CBR4: variants seen among roughly 807,000 people sequenced by gnomAD.
The protein encoded by CBR4 is 3-oxoacyl-[acyl-carrier-protein] reductase.
A neutral mutation model predicts 21.0 loss-of-function variants in CBR4; 22 were observed. That is an observed-to-expected ratio of 1.05 (90% CI 0.75 to 1.50). The LOEUF (loss-of-function observed/expected upper bound fraction) is 1.50. Among genes scored for constraint, CBR4 ranks in the 40% most tolerant of loss-of-function variants. The pLI is 0.00. For missense variants in CBR4, 302 were observed against 286.3 expected, an observed-to-expected ratio of 1.05 and a Z score of -0.40; for synonymous variants, 100 against 104.4, an observed-to-expected ratio of 0.96 and a Z score of 0.26.
At position 168,935,726 on chromosome 4, in the gene CBR4, G is replaced by A. The variant is rs866874488; in HGVS notation, n.170-40961C>T. On this transcript the variant is annotated intron_variant and non_coding_transcript_variant, in intron 2 of 3. Coordinates refer to the CBR4 transcript ENST00000509108. ...TGCCTCTCTAGATTCCTCCTCTCTGGGCAGGGAATCTCTGAAAGAAAGGCA... is the reference window on the plus strand; with the variant it reads ...TGCCTCTCTAGATTCCTCCTCTCTGAGCAGGGAATCTCTGAAAGAAAGGCA... 2.6e-5 allele frequency among the ~76,000 whole-genome samples: 4 copies of A among 152,162 alleles called. No individual in the cohort carries two copies. In the South Asian group the frequency reaches 6.2e-4, roughly 24 times the overall value.
In CBR4 at chr4:168,988,415, G is replaced by A. The variant is rs1413818059; in HGVS notation, c.*1735C>T. 1.0e-6 allele frequency: 1 copy of A among 985,234 alleles called. No individual in the cohort carries two copies. Among genetic ancestry groups the A allele is most frequent in the African/African-American group, 1.7e-5 (1 of 57,232 alleles). The allele number at this position is 985,234 out of a possible 1,614,324, so 61.0% of individuals were successfully genotyped here. A position where few individuals can be genotyped will look rare whatever the true frequency, so the allele number is the denominator to read the frequency against. Reference sequence around the variant, plus strand: ...TCTACCCAAATCACCAATTGAATCAGCCTCGCTCATGATTTCAGAGCATAA... The same window carrying A: ...TCTACCCAAATCACCAATTGAATCAACCTCGCTCATGATTTCAGAGCATAA... On this transcript the variant is annotated 3_prime_UTR_variant, in exon 5 of 5. Transcript: ENST00000306193.
At chr4:168,991,604 TA>T (rs1764926932) in intron 4 of CBR4, among the ~76,000 whole-genome samples, 1 of 152,190 alleles carries the variant, frequency 6.6e-6, no homozygotes, top group Non-Finnish European at 1.5e-5. Flanking sequence ...ACTAACTACA[TA>T]ATATATAACC....
chr4:168,976,643 C>T (rs944169520), intron 2 of CBR4, among the ~76,000 whole-genome samples: 1 of 151,696 alleles, frequency 6.6e-6, no homozygotes, highest in African/African-American at 2.4e-5. Context: ...TTTTTAAGGG[C>T]GGGGGAAGAT....
intron 3 of CBR4, chr4:168,894,533 G>T (rs754277865): frequency 3.6e-5 from 44 of 1,231,978 alleles, no homozygotes; most frequent in Non-Finnish European, 5.9e-6. Context: ...GTACATATTT[G>T]TGATTTTTTT....
intron 2 of CBR4, among the ~76,000 whole-genome samples, chr4:168,965,034 T>C (rs544852637): frequency 6.6e-5 from 10 of 152,298 alleles, no homozygotes; most frequent in African/African-American, 9.6e-5. Flanking sequence ...CCAATCTCCT[T>C]AAGCTGACTT....
chr4:168,924,840 T>C, intron 2 of CBR4: 2 of 1,122,230 alleles, frequency 1.8e-6, no homozygotes, highest in Non-Finnish European at 1.4e-6. Flanking sequence ...TATTATCAGC[T>C]ACTTGCACAA....
intron 1 of CBR4, 28 bp from the exon 2 acceptor site, chr4:169,007,784 C>A: frequency 6.6e-7 from 1 of 1,523,496 alleles, no homozygotes; most frequent in Non-Finnish European, 8.8e-7. Flanking sequence ...ATAAGAATTA[C>A]TTATAACTCA....
At chr4:168,948,043 T>C (rs1428608641) in intron 2 of CBR4, among the ~76,000 whole-genome samples, 1 of 152,120 alleles carries the variant, frequency 6.6e-6, no homozygotes, top group East Asian at 1.9e-4. Flanking sequence ...ACACCTACTG[T>C]TTTTTGATTT....
At chr4:168,974,285 T>A (rs1764303253) in intron 2 of CBR4, among the ~76,000 whole-genome samples, 1 of 152,210 alleles carries the variant, frequency 6.6e-6, no homozygotes, top group South Asian at 2.1e-4. Flanking sequence ...CTGCTGGAAA[T>A]CCGATAGGTT....
chr4:169,009,940 G>A lies in CBR4; in HGVS notation c.142+8C>T, dbSNP rs1731274075. On this transcript the variant is annotated splice_region_variant and intron_variant, in intron 1 of 4. Coordinates refer to ENST00000306193, the MANE Select transcript of CBR4 (RefSeq NM_032783.5). The stretch of plus-strand genomic sequence containing the variant: ...CATACAACTGGACAACTCCAGTTTG[G>A]TACCTACCGCCGAGGTCACCGGCGG... 1 of 1,608,878 alleles carries A rather than the reference G, an allele frequency of 6.2e-7. No individual in the cohort carries two copies. The highest frequency in any genetic ancestry group is 1.3e-5 in the African/African-American group (1 of 74,966).
In CBR4 at chr4:168,988,840, T is replaced by C. The variant is rs1764784703; in HGVS notation, c.*1310A>G. The C allele has an allele frequency of 1.0e-6, 1 of 954,730 alleles. No individual in the cohort carries two copies. The highest frequency in any genetic ancestry group is 1.2e-6 in the Non-Finnish European group (1 of 802,078). The allele number at this position is 954,730 out of a possible 1,614,324, so 59.1% of individuals were successfully genotyped here. On this transcript the variant is annotated 3_prime_UTR_variant, in exon 5 of 5. Transcript: ENST00000306193. Reference sequence around the variant, plus strand: ...TGCTTTGACTTTTGTTATTACTTTGTATTTATTAGTATATCCTATTCATAA... The same window carrying C: ...TGCTTTGACTTTTGTTATTACTTTGCATTTATTAGTATATCCTATTCATAA...
At chr4:168,903,978 T>C in intron 2 of CBR4, 4 of 1,363,774 alleles carry the variant, frequency 2.9e-6, no homozygotes, top group South Asian at 2.3e-5. Context: ...ACAAAGGAAC[T>C]ATTTAAAAGG....
intron 2 of CBR4, among the ~76,000 whole-genome samples, chr4:168,937,251 A>C (rs1351291101): frequency 6.6e-6 from 1 of 152,172 alleles, no homozygotes; most frequent in African/African-American, 2.4e-5. Flanking sequence ...CTTTACACAC[A>C]AGCAAATGCT....
intron 1 of CBR4, chr4:169,008,805 G>C (rs1465345368): frequency 2.7e-6 from 1 of 363,854 alleles, no homozygotes; most frequent in Non-Finnish European, 5.3e-6. Flanking sequence ...AGGAATATGA[G>C]CTTCAAGAAG....
At chr4:168,931,920 A>G (rs1398930156) in intron 2 of CBR4, among the ~76,000 whole-genome samples, 2 of 151,378 alleles carry the variant, frequency 1.3e-5, no homozygotes, top group East Asian at 2.0e-4. Flanking sequence ...AACTGACACT[A>G]TAAGATCCTC....
intron 2 of CBR4, chr4:168,896,455 A>T (rs1244727565): frequency 1.3e-6 from 1 of 753,480 alleles, no homozygotes; most frequent in Non-Finnish European, 2.3e-6. Context: ...GCATATTGCT[A>T]GCACAAAAGT....
Position 168,916,145 on chromosome 4 carries a change from G to A in CBR4, n.170-21380C>T. On this transcript the variant is annotated intron_variant and non_coding_transcript_variant, in intron 2 of 3. Transcript: ENST00000509108. The stretch of plus-strand genomic sequence containing the variant: ...TATAAAATGAGAGCTGGGCACAGTG[G>A]CTCACACCTATAATCCCAGCACTTT... The A allele has an allele frequency of 3.0e-6, 3 of 998,638 alleles. No individual in the cohort carries two copies. The Admixed American group carries it at 5.1e-5, about 17-fold the overall frequency. 61.9% of individuals were successfully genotyped at this position (998,638 alleles called of 1,614,324 possible).
intron 2 of CBR4, among the ~76,000 whole-genome samples, chr4:168,956,466 C>T (rs1157405168): frequency 2.0e-5 from 3 of 151,614 alleles, no homozygotes; most frequent in Non-Finnish European, 4.4e-5. Context: ...CGCACGGTGG[C>T]GTGTGCCTAT....
chr4:168,979,848 T>C (rs1186837524), intron 2 of CBR4, among the ~76,000 whole-genome samples: 10 of 152,164 alleles, frequency 6.6e-5, no homozygotes, highest in Admixed American at 6.5e-4. Flanking sequence ...GCAATGGTAC[T>C]GCCCTTGCTA....
Sources: gnomAD v4.1 joint callset for allele counts (sites outside exome capture counted in the v4.1 genomes callset) on GRCh38, gnomAD v4.1.1 for gene constraint, MANE v1.5 for transcripts, NCBI Gene and HGNC (gene_info 2026-07-23, HGNC 2026-07-21) for gene names.